Variants in SPON1 observed in about 807,000 individuals in gnomAD.
SPON1 encodes spondin-1.
A neutral mutation model predicts 111.7 loss-of-function variants in SPON1; 52 were observed. The ratio of observed to expected loss-of-function variants is 0.47; its 90% CI spans 0.37 to 0.59. SPON1 has a LOEUF of 0.59. Ranked by LOEUF, SPON1 falls within the 20% of genes least tolerant of loss-of-function variation. SPON1 has a pLI of 0.00. For missense variants in SPON1, 957 were observed against 1,068.5 expected (o/e 0.90, Z 1.46); for synonymous variants, 410 against 395.8 (o/e 1.04, Z -0.43).
intron 3 of SPON1, among the ~76,000 whole-genome samples, chr11:14,055,724 T>C (rs578191797): frequency 4.1e-4 from 63 of 152,322 alleles, no homozygotes; most frequent in African/African-American, 1.5e-3. Context: ...TGTCCATTAG[T>C]ACCCACATTA....
intron 5 of SPON1, among the ~76,000 whole-genome samples, chr11:14,111,690 G>T (rs1224186316): frequency 1.3e-5 from 2 of 152,116 alleles, no homozygotes; most frequent in Non-Finnish European, 2.9e-5. Flanking sequence ...CATGTTTTGT[G>T]CCAGCCACTT....
chr11:14,102,777 G>A (rs2133844425), intron 5 of SPON1, among the ~76,000 whole-genome samples: 1 of 152,282 alleles, frequency 6.6e-6, no homozygotes, highest in East Asian at 1.9e-4. Context: ...TTCAGGTTGT[G>A]CATCTTTGGC....
At chr11:14,037,898 G>A (rs962010431) in intron 2 of SPON1, among the ~76,000 whole-genome samples, 4 of 152,214 alleles carry the variant, frequency 2.6e-5, no homozygotes, top group South Asian at 2.1e-4. Flanking sequence ...AGGGCCAGGC[G>A]CGGTGGGTCT....
At chr11:14,111,068 C>G (rs1043844563) in intron 5 of SPON1, among the ~76,000 whole-genome samples, 1 of 152,152 alleles carries the variant, frequency 6.6e-6, no homozygotes, top group African/African-American at 2.4e-5. Context: ...GTAGTAATAT[C>G]AAGGAAATGT....
chr11:14,136,237 G>T (rs1383705134), intron 6 of SPON1, among the ~76,000 whole-genome samples: 2 of 152,168 alleles, frequency 1.3e-5, no homozygotes, highest in Non-Finnish European at 2.9e-5. Flanking sequence ...GAGCCACGTG[G>T]CTCAGTGGTG....
chr11:14,160,701 A>ATATATATTTATATATATT (rs1564919300), intron 6 of SPON1, among the ~76,000 whole-genome samples: 146 of 14,490 alleles, frequency 0.01, 20 homozygotes, highest in Non-Finnish European at 0.011. Flanking sequence ...TTATATATTT[A>ATATATATTTATATATATT]TATATATTTA....
intron 6 of SPON1, among the ~76,000 whole-genome samples, chr11:14,171,777 TCA>T (rs1233707322): frequency 6.6e-6 from 1 of 152,206 alleles, no homozygotes; most frequent in East Asian, 1.9e-4. Context: ...AGCAGGTTGT[TCA>T]GTTTCCATGT....
chr11:14,049,293 T>G (rs1848691361), intron 3 of SPON1, among the ~76,000 whole-genome samples: 1 of 152,170 alleles, frequency 6.6e-6, no homozygotes, highest in South Asian at 2.1e-4. Context: ...TGCTCTACAT[T>G]CATTGCCTAA....
chr11:14,161,221 ATATATATTTATATATTTATATATC>A lies in SPON1; in HGVS notation c.825+25679_825+25702del, dbSNP rs1359767448. ...TATATTTATATATTTATATATATCT[ATATATATTTATATATTTATATATC>A]TATATATTTATATATTTATATATCT... On this transcript the variant is annotated intron_variant, in intron 6 of 15. Transcript: ENST00000576479. Among the ~76,000 whole-genome samples, 10 of 75,714 alleles carry A rather than the reference ATATATATTTATATATTTATATATC, an allele frequency of 1.3e-4. 1 individual carries two copies. Among genetic ancestry groups the A allele is most frequent in the Non-Finnish European group, 2.3e-4 (9 of 38,658 alleles). 49.7% of individuals were successfully genotyped at this position (75,714 alleles called of 152,430 possible).
chr11:14,210,871 G>A (rs575039201), intron 6 of SPON1, among the ~76,000 whole-genome samples: 6 of 152,204 alleles, frequency 3.9e-5, no homozygotes, highest in African/African-American at 7.2e-5. Flanking sequence ...TCCTTTCCCC[G>A]TTGCTTGTTT....
At chr11:14,005,200 G>T (rs1470827784) in intron 2 of SPON1, among the ~76,000 whole-genome samples, 13 of 152,182 alleles carry the variant, frequency 8.5e-5, no homozygotes, top group Non-Finnish European at 4.4e-5. Flanking sequence ...GGAGATTTAT[G>T]ATTTCTGAGC....
intron 3 of SPON1, among the ~76,000 whole-genome samples, chr11:14,073,094 C>T (rs1289511238): frequency 6.6e-6 from 1 of 152,058 alleles, no homozygotes; most frequent in Non-Finnish European, 1.5e-5. Context: ...AATTCATGCA[C>T]GTTTCAAACA....
intron 6 of SPON1, among the ~76,000 whole-genome samples, chr11:14,210,250 A>C (rs1233805512): frequency 6.6e-6 from 1 of 152,040 alleles, no homozygotes; most frequent in Admixed American, 6.6e-5. Context: ...TGCTGTGCAG[A>C]AGCTCTTTAG....
intron 6 of SPON1, among the ~76,000 whole-genome samples, chr11:14,237,984 T>A (rs1420520925): frequency 6.6e-6 from 1 of 152,176 alleles, no homozygotes; most frequent in Non-Finnish European, 1.5e-5. Flanking sequence ...AGGTCTAAAC[T>A]CTAGCTCAGC....
At chr11:13,987,385 A>C (rs56287644) in intron 2 of SPON1, among the ~76,000 whole-genome samples, 11,229 of 151,550 alleles carry the variant, frequency 0.074, 523 homozygotes, top group Middle Eastern at 0.13. Context: ...GTCTGTTAAT[A>C]TCCTTTGCCC....
At chr11:14,015,192 A>C (rs571882609) in intron 2 of SPON1, among the ~76,000 whole-genome samples, 16 of 152,346 alleles carry the variant, frequency 1.1e-4, no homozygotes, top group African/African-American at 3.6e-4. Flanking sequence ...AAAATACCAC[A>C]GATTGGGTTA....
intron 14 of SPON1, among the ~76,000 whole-genome samples, chr11:14,261,746 CTT>C (rs1490491086): frequency 1.3e-5 from 2 of 152,084 alleles, no homozygotes; most frequent in Non-Finnish European, 2.9e-5. Flanking sequence ...AGCCTTCTGA[CTT>C]AGAGTGCCTG....
chr11:14,120,254 A>G (rs1452896991), intron 5 of SPON1, among the ~76,000 whole-genome samples: 6 of 152,142 alleles, frequency 3.9e-5, no homozygotes, highest in African/African-American at 1.4e-4. Context: ...TCCCAGGGTA[A>G]TATTTATGCA....
At chr11:14,118,042 C>T (rs1344560495) in intron 5 of SPON1, among the ~76,000 whole-genome samples, 2 of 152,176 alleles carry the variant, frequency 1.3e-5, no homozygotes, top group East Asian at 1.9e-4. Context: ...TACTTATTTA[C>T]AGGGCTTAGC....
Sources: allele counts gnomAD v4.1 joint callset (sites outside exome capture counted in the v4.1 genomes callset), GRCh38; gene constraint gnomAD v4.1.1; transcripts MANE v1.5; gene names NCBI Gene and HGNC (gene_info 2026-07-23, HGNC 2026-07-21).